CLYBL: variants seen among roughly 807,000 people sequenced by gnomAD.
The protein encoded by CLYBL is citramalyl-CoA lyase.
CLYBL carries 31 observed loss-of-function variants against 38.9 expected under a neutral mutation model. The ratio of observed to expected loss-of-function variants is 0.80; its 90% CI spans 0.60 to 1.08. The LOEUF (loss-of-function observed/expected upper bound fraction) is 1.08. Among genes scored for constraint, CLYBL ranks in the 50% least tolerant of loss-of-function variants. The pLI, the probability that CLYBL is intolerant of heterozygous loss-of-function variation, is 0.00. For synonymous variants in CLYBL, 171 were observed against 158.6 expected (o/e 1.08, Z -0.59); for missense variants, 434 against 411.6 (o/e 1.05, Z -0.47).
chr13:99,750,100 A>G (rs1276305169), intron 1 of CLYBL, among the ~76,000 whole-genome samples: 1 of 152,188 alleles, frequency 6.6e-6, no homozygotes, highest in African/African-American at 2.4e-5. Context: ...TTGCCAGACG[A>G]GGTCAGACCC....
At chr13:99,696,496 A>G (rs1023224543) in intron 1 of CLYBL, among the ~76,000 whole-genome samples, 10 of 152,162 alleles carry the variant, frequency 6.6e-5, no homozygotes, top group Non-Finnish European at 1.5e-4. Context: ...GGTTATAGAC[A>G]TAAGCCACTG....
chr13:99,871,539 T>A (rs1376024734), intron 7 of CLYBL, among the ~76,000 whole-genome samples: 3 of 152,188 alleles, frequency 2.0e-5, no homozygotes, highest in Non-Finnish European at 1.5e-5. Flanking sequence ...AGGTTGTATA[T>A]GTGTTTGTAC....
rs71715024 is a variant in CLYBL, at chr13:99,819,416, T to TTATATATATATA, written c.250-39404_250-39393dup. Among the ~76,000 whole-genome samples, 104 of 18,312 alleles carry TTATATATATATA rather than the reference T, an allele frequency of 5.7e-3. 4 individuals carry two copies. Among genetic ancestry groups the TTATATATATATA allele is most frequent in the Middle Eastern group, 0.031 (1 of 32 alleles). The allele number at this position is 18,312 out of a possible 152,430, so 12.0% of individuals were successfully genotyped here. The stretch of plus-strand genomic sequence containing the variant: ...ACTTGTATTATCACTGGGAAAAAAT[T>TTATATATATATA]TATATATATATATATATATATATAT... On this transcript the variant is annotated intron_variant, in intron 2 of 8. Coordinates refer to ENST00000339105, the MANE Select transcript of CLYBL (RefSeq NM_206808.5).
intron 1 of CLYBL, among the ~76,000 whole-genome samples, chr13:99,736,028 C>T (rs970730215): frequency 5.6e-5 from 8 of 143,422 alleles, no homozygotes; most frequent in African/African-American, 1.6e-4. Flanking sequence ...ATATCCTATA[C>T]GTTTCTTTTC....
At chr13:99,707,616 A>C (rs1170703566) in intron 1 of CLYBL, among the ~76,000 whole-genome samples, 4 of 152,172 alleles carry the variant, frequency 2.6e-5, no homozygotes, top group Non-Finnish European at 5.9e-5. Flanking sequence ...TATGTTTTAT[A>C]ATAAAACACA....
intron 1 of CLYBL, among the ~76,000 whole-genome samples, chr13:99,754,739 C>T (rs2139649579): frequency 1.4e-5 from 2 of 144,448 alleles, no homozygotes; most frequent in African/African-American, 5.1e-5. Flanking sequence ...CGTGTGCCAC[C>T]ATGCCCAGCT....
intron 2 of CLYBL, among the ~76,000 whole-genome samples, chr13:99,839,470 C>T (rs2051016611): frequency 6.6e-6 from 1 of 152,158 alleles, no homozygotes; most frequent in African/African-American, 2.4e-5. Context: ...TTCCCAACTC[C>T]AAGACTCTGA....
chr13:99,793,143 C>A (rs924866557), intron 2 of CLYBL, among the ~76,000 whole-genome samples: 10 of 151,998 alleles, frequency 6.6e-5, no homozygotes, highest in African/African-American at 2.4e-4. Context: ...ATTTGGCTAA[C>A]TTTTAAATTC....
intron 2 of CLYBL, among the ~76,000 whole-genome samples, chr13:99,782,660 A>G (rs577660827): frequency 6.6e-6 from 1 of 152,290 alleles, no homozygotes; most frequent in African/African-American, 2.4e-5. Flanking sequence ...AGTTTTACTA[A>G]AATGTGACAA....
chr13:99,786,549 T>C (rs1051100152), intron 2 of CLYBL, among the ~76,000 whole-genome samples: 3 of 152,220 alleles, frequency 2.0e-5, no homozygotes, highest in Non-Finnish European at 4.4e-5. Context: ...TCCTTTTTTA[T>C]GGCTGCATAG....
chr13:99,723,476 C>T lies in CLYBL; in HGVS notation c.63-49348C>T, dbSNP rs952393058. ...TCTTGGCAGTAGGGTTTGAGAGCAA[C>T]GACTCTTAAAGCCAAAATGTTGGAG... On this transcript the variant is annotated intron_variant, in intron 1 of 8. Transcript: ENST00000339105. 5.3e-5 allele frequency among the ~76,000 whole-genome samples: 8 copies of T among 152,188 alleles called. 1 individual carries two copies. In the South Asian group the frequency reaches 6.2e-4, roughly 12 times the overall value.
At chr13:99,731,692 C>T (rs1021875205) in intron 1 of CLYBL, among the ~76,000 whole-genome samples, 45 of 152,122 alleles carry the variant, frequency 3.0e-4, no homozygotes, top group African/African-American at 1.0e-3. Flanking sequence ...ATGGCTCTCA[C>T]GGACGTGCTG....
chr13:99,684,068 G>A lies in CLYBL; in HGVS notation c.62+77311G>A, dbSNP rs1489849004. Reference sequence around the variant, plus strand: ...TTTTTTTTTTTGTATTTTTAATAGAGACGACGTTTCACCATGTTGACCAGG... The same window carrying A: ...TTTTTTTTTTTGTATTTTTAATAGAAACGACGTTTCACCATGTTGACCAGG... On this transcript the variant is annotated intron_variant, in intron 1 of 8. Coordinates refer to ENST00000339105, the MANE Select transcript of CLYBL (RefSeq NM_206808.5). 7.3e-5 allele frequency among the ~76,000 whole-genome samples: 4 copies of A among 55,092 alleles called. No individual in the cohort carries two copies. The East Asian group carries it at 1.9e-3, about 26-fold the overall frequency. 36.1% of individuals were successfully genotyped at this position (55,092 alleles called of 152,430 possible).
chr13:99,716,618 AGGTGATCCACCCACCTC>A (rs1237144898), intron 1 of CLYBL, among the ~76,000 whole-genome samples: 2 of 151,682 alleles, frequency 1.3e-5, no homozygotes, highest in East Asian at 3.9e-4. Context: ...TCCTGACCTC[AGGTGATCCACCCACCTC>A]GGCCTCCCAA....
Position 99,863,070 on chromosome 13 carries a change from C to T in CLYBL, c.518C>T (p.Ala173Val). ...PMNLIPFVET[A>V]MGLLNFKAVC... is the part of the protein sequence containing the mutation. ...AATTTAATCCCTTTTGTGGAAACTG[C>T]AATGGGTTTGCTCAATTTTAAGGTA... Residue 173 changes from alanine to valine, a missense_variant, in exon 4 of 9, where the codon GCA (alanine) becomes GTA (valine). Transcript: ENST00000339105. 6.2e-7 allele frequency: 1 copy of T among 1,603,398 alleles called. No homozygotes were observed. Among genetic ancestry groups the T allele is most frequent in the Non-Finnish European group, 8.5e-7 (1 of 1,173,492 alleles).
At chr13:99,842,587 T>A (rs1028336861) in intron 2 of CLYBL, among the ~76,000 whole-genome samples, 5 of 152,112 alleles carry the variant, frequency 3.3e-5, no homozygotes, top group African/African-American at 1.2e-4. Context: ...GTCCTCAATG[T>A]GGTCAGAGTG....
chr13:99,695,815 G>A (rs1304480311), intron 1 of CLYBL, among the ~76,000 whole-genome samples: 1 of 152,312 alleles, frequency 6.6e-6, no homozygotes, highest in East Asian at 1.9e-4. Flanking sequence ...ACCGTCCCCA[G>A]TGTGACATTT....
chr13:99,758,833 T>C (rs944658281), intron 1 of CLYBL, among the ~76,000 whole-genome samples: 2 of 152,244 alleles, frequency 1.3e-5, no homozygotes, highest in African/African-American at 4.8e-5. Context: ...CCTTGTGCTG[T>C]CCTGCCTCTG....
At chr13:99,872,772 A>G (rs1334082547) in intron 7 of CLYBL, among the ~76,000 whole-genome samples, 2 of 152,216 alleles carry the variant, frequency 1.3e-5, no homozygotes, top group African/African-American at 4.8e-5. Flanking sequence ...GAATTTCAGT[A>G]GCCAACAAAC....
Sources: allele counts gnomAD v4.1 joint callset (sites outside exome capture counted in the v4.1 genomes callset), GRCh38; gene constraint gnomAD v4.1.1; transcripts MANE v1.5; gene names NCBI Gene and HGNC (gene_info 2026-07-23, HGNC 2026-07-21).